The following PIP4K2A variants were observed in gnomAD, a reference collection of about 807,000 sequenced individuals.
The protein encoded by PIP4K2A is phosphatidylinositol 5-phosphate 4-kinase type-2 alpha.
In PIP4K2A, 14 loss-of-function variants were observed where a neutral mutation model predicts 42.9. The ratio of observed to expected loss-of-function variants is 0.33; its 90% CI spans 0.22 to 0.51. The LOEUF (loss-of-function observed/expected upper bound fraction) is 0.51. Ranked by LOEUF, PIP4K2A falls within the 20% of genes least tolerant of loss-of-function variation. The pLI is 0.97. For synonymous variants in PIP4K2A, 192 were observed against 192.2 expected, an observed-to-expected ratio of 1.00 and a Z score of 0.01; for missense variants, 434 against 519.8, an observed-to-expected ratio of 0.83 and a Z score of 1.61.
chr10:22,586,102 A>G (rs751838915), intron 4 of PIP4K2A, among the ~76,000 whole-genome samples: 2 of 152,234 alleles, frequency 1.3e-5, no homozygotes, highest in Non-Finnish European at 2.9e-5. Context: ...ATAGGATCCG[A>G]GTTTCTTACA....
At chr10:22,643,349 AG>A (rs1255457045) in intron 1 of PIP4K2A, among the ~76,000 whole-genome samples, 3 of 152,214 alleles carry the variant, frequency 2.0e-5, no homozygotes. Flanking sequence ...CTATGATAGA[AG>A]TTTGAGTCAC....
chr10:22,546,568 C>T (rs972540135), intron 7 of PIP4K2A, among the ~76,000 whole-genome samples: 12 of 152,086 alleles, frequency 7.9e-5, no homozygotes, highest in African/African-American at 2.2e-4. Context: ...TGCACCACCA[C>T]GTTTGGCTAA....
chr10:22,706,573 CAT>C (rs1833827542), intron 1 of PIP4K2A, among the ~76,000 whole-genome samples: 1 of 152,192 alleles, frequency 6.6e-6, no homozygotes. Flanking sequence ...GTTATTTACA[CAT>C]ATATTTATTT....
At chr10:22,612,615 G>A (rs577524971) in intron 1 of PIP4K2A, among the ~76,000 whole-genome samples, 6 of 152,322 alleles carry the variant, frequency 3.9e-5, no homozygotes, top group East Asian at 1.9e-4. Flanking sequence ...CAGCAGAAAC[G>A]AAAGAAGCAG....
At chr10:22,709,939 T>C (rs1833885421) in intron 1 of PIP4K2A, among the ~76,000 whole-genome samples, 1 of 152,128 alleles carries the variant, frequency 6.6e-6, no homozygotes, top group Admixed American at 6.6e-5. Context: ...TAATGTCTAA[T>C]TTTAATTTTA....
chr10:22,694,954 G>A (rs1043523458), intron 1 of PIP4K2A, among the ~76,000 whole-genome samples: 8 of 152,124 alleles, frequency 5.3e-5, no homozygotes, highest in Non-Finnish European at 1.2e-4. Flanking sequence ...GTGAAAATGA[G>A]AATCACCAGT....
intron 3 of PIP4K2A, among the ~76,000 whole-genome samples, chr10:22,594,423 TCTCA>T (rs1424053902): frequency 3.9e-5 from 6 of 152,374 alleles, no homozygotes; most frequent in Admixed American, 2.0e-4. Flanking sequence ...TGAGACAGGT[TCTCA>T]CTGTGTTGCC....
chr10:22,656,860 T>C (rs569044108), intron 1 of PIP4K2A, among the ~76,000 whole-genome samples: 1 of 151,996 alleles, frequency 6.6e-6, no homozygotes, highest in South Asian at 2.1e-4. Context: ...TATGAGACTC[T>C]AGGTAGAACT....
chr10:22,539,418 T>C (rs1030349902), intron 9 of PIP4K2A: 1 of 153,560 alleles, frequency 6.5e-6, no homozygotes, highest in African/African-American at 2.4e-5. Flanking sequence ...TTATGCAACT[T>C]TGATTTTGCA....
chr10:22,550,536 A>T, intron 7 of PIP4K2A, 123 bp downstream of exon 7: 1 of 705,922 alleles, frequency 1.4e-6, no homozygotes, highest in Non-Finnish European at 2.5e-6. Context: ...TGACTTCCCT[A>T]AGGTAGAGTA....
chr10:22,640,090 C>T (rs987120787), intron 1 of PIP4K2A, among the ~76,000 whole-genome samples: 6 of 130,788 alleles, frequency 4.6e-5, no homozygotes, highest in Non-Finnish European at 9.2e-5. Context: ...AAAGGATTAA[C>T]AGTGCTTTGA....
intron 1 of PIP4K2A, among the ~76,000 whole-genome samples, chr10:22,684,442 G>A (rs182891501): frequency 8.5e-4 from 129 of 152,058 alleles, no homozygotes; most frequent in South Asian, 1.5e-3. Context: ...AACACACAAT[G>A]TGTTTTATCA....
intron 1 of PIP4K2A, among the ~76,000 whole-genome samples, chr10:22,687,394 G>A (rs1839786640): frequency 6.6e-6 from 1 of 151,952 alleles, no homozygotes; most frequent in Non-Finnish European, 1.5e-5. Flanking sequence ...AGAGATGGAG[G>A]TCAAAAGATA....
At chr10:22,648,570 T>C (rs1019714819) in intron 1 of PIP4K2A, among the ~76,000 whole-genome samples, 9 of 152,202 alleles carry the variant, frequency 5.9e-5, no homozygotes, top group African/African-American at 1.9e-4. Flanking sequence ...TTTCATACTA[T>C]CTCTGATTTT....
intron 1 of PIP4K2A, among the ~76,000 whole-genome samples, chr10:22,708,280 C>CAGCCA (rs1833856110): frequency 2.0e-5 from 3 of 152,220 alleles, no homozygotes; most frequent in African/African-American, 7.2e-5. Flanking sequence ...TTGGGAACAT[C>CAGCCA]TAATTGTGCC....
intron 1 of PIP4K2A, among the ~76,000 whole-genome samples, chr10:22,625,345 T>C (rs979374204): frequency 2.0e-5 from 3 of 152,232 alleles, no homozygotes; most frequent in African/African-American, 7.2e-5. Context: ...TCTGTAGTGT[T>C]AAAATTACTG....
At position 22,536,408 on chromosome 10, in the gene PIP4K2A, C is replaced by T. The variant is rs1431943905; in HGVS notation, c.*793G>A. On this transcript the variant is annotated 3_prime_UTR_variant, in exon 10 of 10. Transcript: ENST00000376573. ...AAGCAGTTTTCCTGGACATATTGGCCGAGGTGAAAAATGTATAGAGAATCA... is the reference window on the plus strand; with the variant it reads ...AAGCAGTTTTCCTGGACATATTGGCTGAGGTGAAAAATGTATAGAGAATCA... The T allele has an allele frequency of 3.1e-5, 9 of 290,588 alleles. No homozygotes were observed. The highest frequency in any genetic ancestry group is 1.5e-4 in the African/African-American group (7 of 46,040). The allele number at this position is 290,588 out of a possible 1,614,324, so 18.0% of individuals were successfully genotyped here.
intron 1 of PIP4K2A, among the ~76,000 whole-genome samples, chr10:22,686,222 G>A (rs117083629): frequency 5.8e-4 from 89 of 152,238 alleles, no homozygotes; most frequent in Non-Finnish European, 1.1e-3. Context: ...CCAAATCCTT[G>A]GACAACTTGA....
At chr10:22,561,562 G>T in intron 6 of PIP4K2A, among the ~76,000 whole-genome samples, 1 of 119,138 alleles carries the variant, frequency 8.4e-6, no homozygotes, top group East Asian at 2.6e-4. Context: ...GATTCTCTAC[G>T]CAGTTTTTTT....
Sources: gnomAD v4.1 joint callset for allele counts (sites outside exome capture counted in the v4.1 genomes callset) on GRCh38, gnomAD v4.1.1 for gene constraint, MANE v1.5 for transcripts, NCBI Gene and HGNC (gene_info 2026-07-23, HGNC 2026-07-21) for gene names.